PCDHGA3: variants seen among roughly 807,000 people sequenced by gnomAD.
PCDHGA3 encodes the protein protocadherin gamma-A3.
A neutral mutation model predicts 58.5 loss-of-function variants in PCDHGA3; 40 were observed. The ratio of observed to expected loss-of-function variants is 0.68; its 90% CI spans 0.53 to 0.89. PCDHGA3 has a LOEUF of 0.89. Among genes scored for constraint, PCDHGA3 ranks in the 40% least tolerant of loss-of-function variants. The probability of loss-of-function intolerance (pLI) is 0.00; values close to 1 mark genes in which losing one functional copy is unlikely to be tolerated. For synonymous variants in PCDHGA3, 530 were observed against 525.7 expected (o/e 1.01, Z -0.11); for missense variants, 1,223 against 1,195.9 (o/e 1.02, Z -0.33).
intron 1 of PCDHGA3, chr5:141,364,610 G>A (rs772530649): frequency 1.2e-6 from 2 of 1,614,152 alleles, no homozygotes; most frequent in South Asian, 1.1e-5. Context: ...AGACCGGGAG[G>A]AGCTCTGCGC....
At chr5:141,352,770 A>C in intron 1 of PCDHGA3, 1 of 1,227,116 alleles carries the variant, frequency 8.1e-7, no homozygotes, top group Non-Finnish European at 1.1e-6. Flanking sequence ...CAGGTGGATC[A>C]CTTGAGGTCA....
chr5:141,382,964 C>T (rs373652237), intron 1 of PCDHGA3: 3 of 1,608,120 alleles, frequency 1.9e-6, no homozygotes, highest in Non-Finnish European at 8.5e-7. Context: ...CTCCTGGGGA[C>T]CCCCTGGGAA....
chr5:141,447,360 A>G (rs1471046883), intron 1 of PCDHGA3, among the ~76,000 whole-genome samples: 1 of 151,914 alleles, frequency 6.6e-6, no homozygotes, highest in Non-Finnish European at 1.5e-5. Context: ...GCTGGTCTCA[A>G]ACTCCTGACC....
intron 1 of PCDHGA3, chr5:141,395,099 C>T: frequency 6.2e-7 from 1 of 1,614,228 alleles, no homozygotes; most frequent in Non-Finnish European, 8.5e-7. Flanking sequence ...TCACCGCCGA[C>T]TCGCGGAAGA....
chr5:141,467,874 G>T (rs926647135), intron 1 of PCDHGA3, among the ~76,000 whole-genome samples: 1 of 151,920 alleles, frequency 6.6e-6, no homozygotes, highest in Non-Finnish European at 1.5e-5. Context: ...GCCCAGGCTG[G>T]TCTCAAACTC....
rs200625256 is a variant in PCDHGA3 at position 141,477,009 on chromosome 5, A to G, written c.2425-17798A>G. 7.5e-5 allele frequency: 121 copies of G among 1,614,064 alleles called. No homozygotes were observed. Among genetic ancestry groups the G allele is most frequent in the Non-Finnish European group, 9.2e-5 (109 of 1,180,028 alleles). On this transcript the variant is annotated intron_variant, in intron 1 of 3. Transcript: ENST00000253812. This position sits in a 1 kb window ranked among gnomAD's most constrained non-coding sequence, Gnocchi z 4.9. The stretch of plus-strand genomic sequence containing the variant: ...GGCGTGCGGCAACTATTCGCCTTAG[A>G]CCTTGTAACCGGGATGCTGACAATC...
rs755190269 is a variant in PCDHGA3 at position 141,385,225 on chromosome 5, G to A, written c.2424+38768G>A. 9.9e-6 allele frequency: 16 copies of A among 1,614,114 alleles called. No individual in the cohort carries two copies. Among genetic ancestry groups the A allele is most frequent in the Non-Finnish European group, 1.3e-5 (15 of 1,180,054 alleles). On this transcript the variant is annotated intron_variant, in intron 1 of 3. Transcript: ENST00000253812. ...CCTGATCTTCCCCCAGCCCAACTAT[G>A]TAGACATGCTCATCAGCCAGGAGAG...
At chr5:141,500,241 C>T (rs1284996879) in intron 2 of PCDHGA3, among the ~76,000 whole-genome samples, 18 of 150,770 alleles carry the variant, frequency 1.2e-4, no homozygotes, top group Non-Finnish European at 1.5e-5. Flanking sequence ...CGTAGCCTTG[C>T]TCTGTCACCC....
In PCDHGA3 at chr5:141,409,837, C is replaced by G. The variant is rs182654621; in HGVS notation, c.2424+63380C>G. 823 of 1,611,470 alleles carry G rather than the reference C, an allele frequency of 5.1e-4. 5 individuals carry two copies. The East Asian group carries it at 9.5e-3, about 19-fold the overall frequency. On this transcript the variant is annotated intron_variant, in intron 1 of 3. Coordinates refer to ENST00000253812, the MANE Select transcript of PCDHGA3 (RefSeq NM_018916.4). ...ACGGCTCGCCCACGCTCAGCGCCAACGTGAGCCTGCGCGTGTTGGTGGGAG... is the reference window on the plus strand; with the variant it reads ...ACGGCTCGCCCACGCTCAGCGCCAAGGTGAGCCTGCGCGTGTTGGTGGGAG...
chr5:141,423,335 G>T (rs781241820), intron 1 of PCDHGA3: 11 of 1,614,046 alleles, frequency 6.8e-6, no homozygotes, highest in Non-Finnish European at 9.3e-6. Context: ...GCAGTCTCCT[G>T]CATCTTCCTG....
chr5:141,380,304 C>T (rs1241911160), intron 1 of PCDHGA3, among the ~76,000 whole-genome samples: 3 of 151,974 alleles, frequency 2.0e-5, no homozygotes, highest in Non-Finnish European at 2.9e-5. Flanking sequence ...TATATCTTTG[C>T]TTGAGAATGA....
At chr5:141,356,488 C>T (rs1760237124) in intron 1 of PCDHGA3, 1 of 1,613,868 alleles carries the variant, frequency 6.2e-7, no homozygotes, top group African/African-American at 1.3e-5. Flanking sequence ...CCAGGGAACT[C>T]CTCCACTGTC....
chr5:141,375,028 T>G (rs775365002), intron 1 of PCDHGA3: 2 of 1,613,924 alleles, frequency 1.2e-6, no homozygotes, highest in Admixed American at 1.7e-5. Flanking sequence ...CGAGTTTTTA[T>G]GAGCTGGGTG....
intron 1 of PCDHGA3, among the ~76,000 whole-genome samples, chr5:141,463,024 A>G (rs2099051235): frequency 6.6e-6 from 1 of 152,070 alleles, no homozygotes; most frequent in South Asian, 2.1e-4. Context: ...GACTTTTTTG[A>G]TTAATCTGAG....
chr5:141,443,367 C>T (rs1305408862), intron 1 of PCDHGA3, among the ~76,000 whole-genome samples: 1 of 151,712 alleles, frequency 6.6e-6, no homozygotes, highest in African/African-American at 2.4e-5. Flanking sequence ...TGCCTGTGGT[C>T]TCAGCTACTT....
intron 1 of PCDHGA3, among the ~76,000 whole-genome samples, chr5:141,481,259 C>T (rs1176419744): frequency 1.3e-5 from 2 of 152,146 alleles, no homozygotes; most frequent in African/African-American, 4.8e-5. Context: ...TCTAAAAGAT[C>T]ACTGTAGGAA....
chr5:141,391,264 G>T (rs1427432631), intron 1 of PCDHGA3: 1 of 151,768 alleles, frequency 6.6e-6, no homozygotes, highest in Non-Finnish European at 1.5e-5. Context: ...TCAGTTAATG[G>T]CCACTTTACA....
intron 1 of PCDHGA3, chr5:141,422,560 G>T (rs2096656228): frequency 6.2e-7 from 1 of 1,614,032 alleles, no homozygotes; most frequent in East Asian, 2.2e-5. Context: ...GAATGTGGCA[G>T]ATGACAACGA....
intron 1 of PCDHGA3, chr5:141,403,867 A>C (rs755401788): frequency 1.1e-5 from 17 of 1,613,606 alleles, no homozygotes; most frequent in Admixed American, 3.3e-5. Flanking sequence ...CAACAGCAAA[A>C]AGTCTAGATT....
Sources: gnomAD v4.1 joint callset for allele counts (sites outside exome capture counted in the v4.1 genomes callset) on GRCh38, gnomAD v4.1.1 for gene constraint, Gnocchi (gnomAD v3.1) non-coding constraint, MANE v1.5 for transcripts, NCBI Gene and HGNC (gene_info 2026-07-23, HGNC 2026-07-21) for gene names.